The following SGMS1 variants were observed in gnomAD, a reference collection of about 807,000 sequenced individuals.
SGMS1 encodes sphingomyelin synthase 1, also known as phosphatidylcholine:ceramide cholinephosphotransferase 1.
Under a neutral mutation model 46.2 loss-of-function variants are expected in SGMS1, and 13 were observed. That is an observed-to-expected ratio of 0.28 (90% confidence interval 0.18 to 0.45). The LOEUF is 0.45. Ranked by LOEUF, SGMS1 falls within the 20% of genes least tolerant of loss-of-function variation. The probability of loss-of-function intolerance (pLI) is 1.00; values close to 1 mark genes in which losing one functional copy is unlikely to be tolerated. For synonymous variants in SGMS1, 203 were observed against 187.8 expected (o/e 1.08, Z -0.66); for missense variants, 324 against 519.9 (o/e 0.62, Z 3.66).
At chr10:50,609,253 G>A (rs1838725184) in intron 1 of SGMS1, among the ~76,000 whole-genome samples, 2 of 152,178 alleles carry the variant, frequency 1.3e-5, no homozygotes, top group South Asian at 4.1e-4. Flanking sequence ...TTACAGACAT[G>A]AGCCACCATG....
intron 8 of SGMS1, among the ~76,000 whole-genome samples, chr10:50,314,026 T>C (rs1847300784): frequency 6.6e-6 from 1 of 151,690 alleles, no homozygotes; most frequent in African/African-American, 2.4e-5. Context: ...ACAAGACAAA[T>C]TACAAAACAG....
chr10:50,360,904 C>T (rs1848236599), intron 6 of SGMS1, among the ~76,000 whole-genome samples: 1 of 152,176 alleles, frequency 6.6e-6, no homozygotes, highest in South Asian at 2.1e-4. Flanking sequence ...TAAGTTAAAA[C>T]TGTAAAAAGC....
At chr10:50,465,679 C>A (rs980959748) in intron 4 of SGMS1, among the ~76,000 whole-genome samples, 1 of 151,688 alleles carries the variant, frequency 6.6e-6, no homozygotes, top group Non-Finnish European at 1.5e-5. Flanking sequence ...AACTAACAGA[C>A]TAAGAAAAGA....
At chr10:50,408,461 T>C (rs7914247) in intron 6 of SGMS1, among the ~76,000 whole-genome samples, 85 of 112,326 alleles carry the variant, frequency 7.6e-4, no homozygotes, top group African/African-American at 2.5e-3. Context: ...AAAAACAAAA[T>C]AAAAACTTTT....
intron 2 of SGMS1, among the ~76,000 whole-genome samples, chr10:50,527,614 T>C (rs1210408510): frequency 6.6e-6 from 1 of 152,170 alleles, no homozygotes; most frequent in African/African-American, 2.4e-5. Flanking sequence ...GAACAGACTA[T>C]GATAAGGGCC....
chr10:50,371,392 C>A (rs976198048), intron 6 of SGMS1, among the ~76,000 whole-genome samples: 2 of 152,242 alleles, frequency 1.3e-5, no homozygotes, highest in Admixed American at 6.5e-5. Flanking sequence ...CAAACCCAAA[C>A]TGCACAAGGC....
intron 8 of SGMS1, among the ~76,000 whole-genome samples, chr10:50,315,061 G>T (rs1208547433): frequency 6.6e-6 from 1 of 152,190 alleles, no homozygotes; most frequent in African/African-American, 2.4e-5. Context: ...GTAGACCAGT[G>T]AACCAGAATC....
chr10:50,380,607 C>T (rs2133472867), intron 6 of SGMS1, among the ~76,000 whole-genome samples: 1 of 152,250 alleles, frequency 6.6e-6, no homozygotes, highest in Non-Finnish European at 1.5e-5. Context: ...GCCTACCTGG[C>T]TTCGTCCTGC....
chr10:50,435,483 A>T (rs1849463558), intron 5 of SGMS1, among the ~76,000 whole-genome samples: 1 of 152,232 alleles, frequency 6.6e-6, no homozygotes, highest in African/African-American at 2.4e-5. Flanking sequence ...ACAACAATAT[A>T]AAACTTTTCT....
chr10:50,384,913 T>C (rs988894521), intron 6 of SGMS1, among the ~76,000 whole-genome samples: 1 of 152,190 alleles, frequency 6.6e-6, no homozygotes, highest in Non-Finnish European at 1.5e-5. Flanking sequence ...GTTAACTAAA[T>C]GACATATCTT....
At chr10:50,564,750 GATT>G (rs1160747252) in intron 2 of SGMS1, among the ~76,000 whole-genome samples, 8 of 151,100 alleles carry the variant, frequency 5.3e-5, no homozygotes, top group Non-Finnish European at 1.0e-4. Context: ...CAGATAATCA[GATT>G]ATTTTTTTTA....
At chr10:50,619,336 GTTC>G (rs1368542696) in intron 1 of SGMS1, among the ~76,000 whole-genome samples, 2 of 152,012 alleles carry the variant, frequency 1.3e-5, no homozygotes, top group African/African-American at 4.8e-5. Flanking sequence ...AAATGTTAAG[GTTC>G]TTCTGACTTT....
At chr10:50,583,813 TC>T (rs1838456662) in intron 2 of SGMS1, among the ~76,000 whole-genome samples, 1 of 152,312 alleles carries the variant, frequency 6.6e-6, no homozygotes, top group Admixed American at 6.5e-5. Flanking sequence ...TTCAGTACTT[TC>T]CCCTCTCTAA....
chr10:50,389,382 T>C (rs990934771), intron 6 of SGMS1, among the ~76,000 whole-genome samples: 1 of 152,230 alleles, frequency 6.6e-6, no homozygotes, highest in African/African-American at 2.4e-5. Context: ...ATTTAGCAAG[T>C]TACCTCATAC....
rs1847188247 is a variant in SGMS1 at position 50,306,922 on chromosome 10, T to C, written c.*220A>G. 2 of 413,992 alleles carry C rather than the reference T, an allele frequency of 4.8e-6. No individual in the cohort carries two copies. Among genetic ancestry groups the C allele is most frequent in the East Asian group, 3.6e-5 (1 of 28,130 alleles). 25.6% of individuals were successfully genotyped at this position (413,992 alleles called of 1,614,324 possible). On this transcript the variant is annotated 3_prime_UTR_variant, in exon 11 of 11. Coordinates refer to ENST00000361781, the MANE Select transcript of SGMS1 (RefSeq NM_147156.4). ...ATCCCAAACTTATGAACAGGAAATG[T>C]GTACAGTGCATGATAGGTTAAATTT...
At chr10:50,565,280 TA>T (rs1442017477) in intron 2 of SGMS1, among the ~76,000 whole-genome samples, 1 of 152,002 alleles carries the variant, frequency 6.6e-6, no homozygotes, top group Non-Finnish European at 1.5e-5. Context: ...GAGAATGCAC[TA>T]AAAAAATAAA....
intron 2 of SGMS1, among the ~76,000 whole-genome samples, chr10:50,541,077 A>G (rs899293600): frequency 8.5e-5 from 13 of 152,224 alleles, no homozygotes; most frequent in African/African-American, 2.9e-4. Context: ...TAGAAACTCC[A>G]CAAGGCAACA....
intron 6 of SGMS1, among the ~76,000 whole-genome samples, chr10:50,431,803 T>A (rs1849406938): frequency 6.6e-6 from 1 of 152,090 alleles, no homozygotes; most frequent in Admixed American, 6.6e-5. Flanking sequence ...TGAAGGAATA[T>A]GGGGAAGGGA....
At chr10:50,619,541 G>A (rs761253969) in intron 1 of SGMS1, among the ~76,000 whole-genome samples, 1 of 152,214 alleles carries the variant, frequency 6.6e-6, no homozygotes, top group Non-Finnish European at 1.5e-5. Context: ...AGGGGCCTGG[G>A]GGGTGCTGGG....
Sources: gnomAD v4.1 joint callset for allele counts (sites outside exome capture counted in the v4.1 genomes callset) on GRCh38, gnomAD v4.1.1 for gene constraint, MANE v1.5 for transcripts, NCBI Gene and HGNC (gene_info 2026-07-23, HGNC 2026-07-21) for gene names.